The following KDM5B variants were observed in gnomAD, a reference collection of about 807,000 sequenced individuals.
KDM5B encodes the protein lysine-specific demethylase 5B.
Under a neutral mutation model 193.4 loss-of-function variants are expected in KDM5B, and 144 were observed. The ratio of observed to expected loss-of-function variants is 0.74; its 90% CI spans 0.65 to 0.86. The LOEUF is 0.86. Ranked by LOEUF, KDM5B falls within the 40% of genes least tolerant of loss-of-function variation. KDM5B has a pLI of 0.00. For missense variants in KDM5B, 1,833 were observed against 1,886.9 expected (o/e 0.97, Z 0.53); for synonymous variants, 668 against 682.6 (o/e 0.98, Z 0.33).
intron 5 of KDM5B, among the ~76,000 whole-genome samples, chr1:202,765,311 C>A (rs1656407268): frequency 6.6e-6 from 1 of 152,180 alleles, no homozygotes; most frequent in African/African-American, 2.4e-5. Context: ...ATCTCAGTTT[C>A]TATTATTTCT....
At chr1:202,766,451 AGCCAAGATCGC>A (rs1175671569) in intron 5 of KDM5B, 3 of 407,850 alleles carry the variant, frequency 7.4e-6, no homozygotes, top group Admixed American at 3.2e-5. Context: ...GGTTGCAGTG[AGCCAAGATCGC>A]GCCACTGCAC....
At chr1:202,801,152 C>G (rs1465719516) in intron 1 of KDM5B, among the ~76,000 whole-genome samples, 2 of 152,144 alleles carry the variant, frequency 1.3e-5, no homozygotes, top group African/African-American at 4.8e-5. Flanking sequence ...ATTCTTTACA[C>G]TTTTGTGTAT....
At chr1:202,782,516 T>TG (rs1657240388) in intron 1 of KDM5B, among the ~76,000 whole-genome samples, 1 of 152,056 alleles carries the variant, frequency 6.6e-6, no homozygotes. Flanking sequence ...GACTTTTAAA[T>TG]GGGGGGTAGG....
At chr1:202,771,363 C>G (rs1035225691) in intron 4 of KDM5B, among the ~76,000 whole-genome samples, 2 of 150,912 alleles carry the variant, frequency 1.3e-5, no homozygotes, top group African/African-American at 4.9e-5. Context: ...TCCCAAGTAG[C>G]TGAGATTACA....
intron 4 of KDM5B, among the ~76,000 whole-genome samples, chr1:202,770,325 T>TG (rs1279543663): frequency 6.6e-6 from 1 of 152,190 alleles, no homozygotes; most frequent in Non-Finnish European, 1.5e-5. Flanking sequence ...GATGCAAGAT[T>TG]GAGGCCTCTG....
At chr1:202,776,652 C>G (rs2102303407) in intron 2 of KDM5B, among the ~76,000 whole-genome samples, 1 of 152,224 alleles carries the variant, frequency 6.6e-6, no homozygotes, top group South Asian at 2.1e-4. Flanking sequence ...GTCTTGACCT[C>G]CCAGGCTGAA....
At chr1:202,743,364 A>C (rs958075751) in intron 16 of KDM5B, among the ~76,000 whole-genome samples, 30 of 114,368 alleles carry the variant, frequency 2.6e-4, no homozygotes, top group South Asian at 9.2e-4. Context: ...AAAAAAAAAA[A>C]CACCTGGCAT....
chr1:202,756,410 C>G lies in KDM5B; in HGVS notation c.1304G>C (p.Gly435Ala). 3 of 1,613,558 alleles carry G rather than the reference C, an allele frequency of 1.9e-6. No homozygotes were observed. Among genetic ancestry groups the G allele is most frequent in the Non-Finnish European group, 2.5e-6 (3 of 1,179,716 alleles). ...CCCATCTCGGACAGGAAAGCCACTG[C>G]CAAATTCCTTTGAGGCAATGTCAGC... ...YGADIASKEF[G>A]SGFPVRDGKI... The change falls in exon 10 of 27, where the codon GGC (glycine) becomes GCC (alanine). Residue 435 changes from glycine to alanine, a missense_variant. By Grantham distance (60) the Gly-to-Ala change is moderately conservative. Coordinates refer to ENST00000367265, the MANE Select transcript of KDM5B (RefSeq NM_006618.5).
rs1656012069 is a variant in KDM5B, at chr1:202,756,375, G to C, written c.1339C>G (p.Leu447Val). The C allele has an allele frequency of 1.2e-6, 2 of 1,610,936 alleles. No homozygotes were observed. The highest frequency in any genetic ancestry group is 1.3e-5 in the African/African-American group (1 of 74,772). ...ATGCCTACCTCTTCCTCAGGTGAGA[G>C]TTTGATTTTCCCATCTCGGACAGGA... ...GFPVRDGKIK[L>V]SPEEEEYLDS... Residue 447 changes from leucine to valine, a missense_variant, in exon 10 of 27, where the codon CTC (leucine) becomes GTC (valine). By Grantham distance (32) the Leu-to-Val change is conservative. This residue lies in a region of KDM5B where 1,379 missense variants were observed against 1,349.6 expected (regional missense o/e 1.02). Coordinates refer to ENST00000367265, the MANE Select transcript of KDM5B (RefSeq NM_006618.5).
At chr1:202,781,796 A>G (rs1216390201) in intron 1 of KDM5B, among the ~76,000 whole-genome samples, 3 of 152,232 alleles carry the variant, frequency 2.0e-5, no homozygotes, top group African/African-American at 2.4e-5. Context: ...TATAGAAGTA[A>G]ATGTTCAAAT....
chr1:202,788,237 C>A (rs1657493163), intron 1 of KDM5B, among the ~76,000 whole-genome samples: 1 of 152,086 alleles, frequency 6.6e-6, no homozygotes, highest in Non-Finnish European at 1.5e-5. Context: ...CCAAAAAGAC[C>A]CTGAAAATAC....
chr1:202,767,612 A>G (rs1656526835), intron 4 of KDM5B, among the ~76,000 whole-genome samples: 1 of 152,210 alleles, frequency 6.6e-6, no homozygotes, highest in African/African-American at 2.4e-5. Flanking sequence ...TGTAGACAAC[A>G]GGCCTACAAT....
At position 202,749,061 on chromosome 1, in the gene KDM5B, A is replaced by G; in HGVS notation, c.1900T>C (p.Cys634Arg). The G allele has an allele frequency of 6.2e-7, 1 of 1,614,190 alleles. No individual in the cohort carries two copies. The highest frequency in any genetic ancestry group is 8.5e-7 in the Non-Finnish European group (1 of 1,180,004). The change falls in exon 14 of 27, where the codon TGC becomes CGC. Residue 634 changes from cysteine to arginine, a missense_variant. Cys to Arg is a radical substitution (Grantham distance 180). Transcript: ENST00000367265. ...ACATCAGCCTTGGAAGCCATCTTGC[A>G]GATCATCTCATCGTGGGAAAACACA... is the stretch of plus-strand genomic sequence containing the variant. ...YCVFSHDEMI[C>R]KMASKADVLD...
In KDM5B at chr1:202,808,270, G is replaced by C. The variant is rs763933577; in HGVS notation, c.36C>G (p.Arg12=). The C allele has an allele frequency of 7.5e-6, 12 of 1,608,378 alleles. No individual in the cohort carries two copies. Among genetic ancestry groups the C allele is most frequent in the Middle Eastern group, 3.8e-4 (2 of 5,216 alleles). ...EAATTLHPGP[R]PALPLGGPGP... is the part of the protein sequence containing the mutation. ...CCGGGCCCCCGAGGGGCAGCGCCGG[G>C]CGCGGGCCTGGGTGCAGTGTGGTGG... The change falls in exon 1 of 27, where the codon CGC becomes CGG. Residue 12 remains arginine (R), a synonymous_variant. Coordinates refer to ENST00000367265, the MANE Select transcript of KDM5B (RefSeq NM_006618.5).
Position 202,740,972 on chromosome 1 carries a change from T to C in KDM5B, c.2946-160A>G, listed in dbSNP as rs113610364. ...GTTGAAAATTATCTGCACTGTTTTC[T>C]TGCAGAACAGTGCCTATTAACTCTC... On this transcript the variant is annotated intron_variant, in intron 19 of 26. Coordinates refer to ENST00000367265, the MANE Select transcript of KDM5B (RefSeq NM_006618.5). 2.1e-3 allele frequency among the ~76,000 whole-genome samples: 315 copies of C among 152,350 alleles called. 2 individuals are homozygous for C. The highest frequency in any genetic ancestry group is 7.4e-3 in the African/African-American group (306 of 41,584).
At chr1:202,768,179 TTC>T (rs1240303296) in intron 4 of KDM5B, among the ~76,000 whole-genome samples, 1 of 152,216 alleles carries the variant, frequency 6.6e-6, no homozygotes, top group Non-Finnish European at 1.5e-5. Flanking sequence ...TCTTTGGTTT[TTC>T]TTTTTAGTTT....
chr1:202,792,348 T>C (rs944833638), intron 1 of KDM5B, among the ~76,000 whole-genome samples: 4 of 151,974 alleles, frequency 2.6e-5, no homozygotes, highest in Non-Finnish European at 5.9e-5. Flanking sequence ...CGGAGGAGCT[T>C]TTTAAAATTC....
At chr1:202,766,051 A>G (rs1656443943) in intron 5 of KDM5B, among the ~76,000 whole-genome samples, 2 of 152,310 alleles carry the variant, frequency 1.3e-5, no homozygotes, top group South Asian at 4.1e-4. Context: ...CTTTATTAAA[A>G]ATTTTTTTTT....
chr1:202,729,907 G>T lies in KDM5B; in HGVS notation c.4297C>A (p.Pro1433Thr). 1.2e-6 allele frequency: 2 copies of T among 1,614,042 alleles called. No homozygotes were observed. ...CTCAGTTTGATTTTCTTCTTTTTGG[G>T]GGTCCGCATTTTCTTAACTCGTTCC... is the stretch of plus-strand genomic sequence containing the variant. ...RWERVKKMRT[P>T]KKKKIKLSHP... Residue 1433 changes from proline (P) to threonine (T), a missense_variant, in exon 26 of 27, where the codon CCC becomes ACC. By Grantham distance (38) the Pro-to-Thr change is conservative. Coordinates refer to ENST00000367265, the MANE Select transcript of KDM5B (RefSeq NM_006618.5).
Sources: gnomAD v4.1 joint callset for allele counts (sites outside exome capture counted in the v4.1 genomes callset) on GRCh38, gnomAD v4.1.1 for gene constraint, gnomAD v4.1.1 regional missense constraint, MANE v1.5 for transcripts, NCBI Gene and HGNC (gene_info 2026-07-23, HGNC 2026-07-21) for gene names.